Variants in GAL3ST2 observed in about 807,000 individuals in gnomAD.
The protein encoded by GAL3ST2 is galactose-3-O-sulfotransferase 2.
In GAL3ST2, 16 loss-of-function variants were observed where a neutral mutation model predicts 12.9. That is an observed-to-expected ratio of 1.24 (90% CI 0.84 to 1.88). The LOEUF (loss-of-function observed/expected upper bound fraction) is 1.88, where lower values mean the gene tolerates loss of function less well. Ranked by LOEUF, GAL3ST2 falls within the 40% of genes most tolerant of loss-of-function variation. The pLI is 0.00. For synonymous variants in GAL3ST2, 302 were observed against 273.9 expected (o/e 1.10, Z -1.01); for missense variants, 639 against 571.8 (o/e 1.12, Z -1.20).
intron 1 of GAL3ST2, among the ~76,000 whole-genome samples, chr2:241,782,678 T>C (rs1380272851): frequency 6.6e-6 from 1 of 152,180 alleles, no homozygotes; most frequent in East Asian, 1.9e-4. Flanking sequence ...TAATGCAGTT[T>C]ATTTTGATTG....
rs1553615224 is a variant in GAL3ST2, at chr2:241,776,891, GA to G, written c.-64del. 11 of 1,371,756 alleles carry G rather than the reference GA, an allele frequency of 8.0e-6. No individual in the cohort carries two copies. The highest frequency in any genetic ancestry group is 1.1e-5 in the Non-Finnish European group (11 of 1,043,086). 85.0% of individuals were successfully genotyped at this position (1,371,756 alleles called of 1,614,324 possible). ...GGGGAGCCCAGAGCCGGCAGGGGCC[GA>G]GGCGGTGGGACCTCGGGGGAGCTCA... is the stretch of plus-strand genomic sequence containing the variant. On this transcript the variant is annotated 5_prime_UTR_variant, in exon 1 of 4. Transcript: ENST00000192314.
At position 241,804,059 on chromosome 2, in the gene GAL3ST2, G is replaced by T; in HGVS notation, c.1090G>T (p.Gly364Cys). The T allele has an allele frequency of 6.4e-7, 1 of 1,556,484 alleles. No homozygotes were observed. Among genetic ancestry groups the T allele is most frequent in the Non-Finnish European group, 8.7e-7 (1 of 1,152,162 alleles). ...GCCGGGCCTGGACAACCAGACGCTGGGCGTGTGCCAGAGGCTTGTGATGCC... is the reference window on the plus strand; with the variant it reads ...GCCGGGCCTGGACAACCAGACGCTGTGCGTGTGCCAGAGGCTTGTGATGCC... The part of the protein sequence containing the change: ...LRPGLDNQTL[G>C]VCQRLVMPEL... The change falls in exon 4 of 4, where the codon GGC becomes TGC. Residue 364 changes from glycine (G) to cysteine (C), a missense_variant. Gly to Cys is a radical substitution (Grantham distance 159). Coordinates refer to ENST00000192314, the MANE Select transcript of GAL3ST2 (RefSeq NM_022134.3).
chr2:241,780,623 G>C (rs1382463525), intron 1 of GAL3ST2, among the ~76,000 whole-genome samples: 2 of 152,128 alleles, frequency 1.3e-5, no homozygotes, highest in African/African-American at 2.4e-5. Context: ...TATTATGCTT[G>C]GCCTAATTAT....
At chr2:241,783,370 A>C (rs548118549) in intron 1 of GAL3ST2, among the ~76,000 whole-genome samples, 15 of 152,314 alleles carry the variant, frequency 9.8e-5, no homozygotes, top group African/African-American at 3.6e-4. Context: ...TCTAGGACTA[A>C]ATTTACCATA....
At chr2:241,798,979 A>G in intron 1 of GAL3ST2, 86 bp from the exon 2 acceptor site, 1 of 1,079,326 alleles carries the variant, frequency 9.3e-7, no homozygotes, top group Non-Finnish European at 1.4e-6. Context: ...TGTGTGGCCC[A>G]AGGCCTGGAC....
chr2:241,796,673 G>A (rs1188384306), intron 1 of GAL3ST2, among the ~76,000 whole-genome samples: 2 of 152,150 alleles, frequency 1.3e-5, no homozygotes, highest in Non-Finnish European at 2.9e-5. Flanking sequence ...GCCGGCTCTG[G>A]TCTTGTCTGA....
At chr2:241,789,326 T>C (rs1297629642) in intron 1 of GAL3ST2, among the ~76,000 whole-genome samples, 1 of 152,204 alleles carries the variant, frequency 6.6e-6, no homozygotes, top group African/African-American at 2.4e-5. Flanking sequence ...TGTGTGTGTA[T>C]AGTTGAAGGC....
At position 241,804,257 on chromosome 2, in the gene GAL3ST2, G is replaced by A. The variant is rs1308179381; in HGVS notation, c.*91G>A. ...GCCGGGGATCCTTGCAGGGCTTCTG[G>A]GGCGTTGGGAAACCCAGGCCCGCCG... On this transcript the variant is annotated 3_prime_UTR_variant, in exon 4 of 4. Transcript: ENST00000192314. The A allele has an allele frequency of 4.2e-6, 5 of 1,176,814 alleles. No individual in the cohort carries two copies. In the African/African-American group the frequency reaches 6.5e-5, roughly 15 times the overall value. 72.9% of individuals were successfully genotyped at this position (1,176,814 alleles called of 1,614,324 possible). A position where few individuals can be genotyped will look rare whatever the true frequency, so the allele number is the denominator to read the frequency against.
rs1699881337 is a variant in GAL3ST2, at chr2:241,803,354, G to T, written c.385G>T (p.Val129Phe). Residue 129 changes from valine (V) to phenylalanine (F), a missense_variant, in exon 4 of 4, where the codon GTC becomes TTC. Physicochemically the swap from Val to Phe is conservative, Grantham distance 50 (BLOSUM62 -1). Transcript: ENST00000192314. ...CTCTGTCGCCACACAGGTGCAGAAA[G>T]TCATGCCCAACGACACCTTCTACTT... is the stretch of plus-strand genomic sequence containing the variant. ...LRFNLPQVQKVMPNDTFYFSI... is the reference protein window; with the variant it reads ...LRFNLPQVQKFMPNDTFYFSI... 1 of 1,599,284 alleles carries T rather than the reference G, an allele frequency of 6.3e-7. No individual in the cohort carries two copies. Among genetic ancestry groups the T allele is most frequent in the Non-Finnish European group, 8.5e-7 (1 of 1,169,908 alleles).
chr2:241,795,379 G>T lies in GAL3ST2; in HGVS notation c.30-3686G>T, dbSNP rs181502704. Among the ~76,000 whole-genome samples the T allele has an allele frequency of 6.6e-6, 1 of 152,334 alleles. No homozygotes were observed. The highest frequency in any genetic ancestry group is 6.5e-5 in the Admixed American group (1 of 15,298). On this transcript the variant is annotated intron_variant, in intron 1 of 3. Transcript: ENST00000192314. This position sits in a 1 kb window ranked among gnomAD's most constrained non-coding sequence, Gnocchi z 4.5. ...GATTCATGCTGCCGCAAGGCCAAGG[G>T]GGGTATTGTAAGTGTGAAAGCAGCA...
In GAL3ST2 at chr2:241,803,774, C is replaced by A; in HGVS notation, c.805C>A (p.Arg269=). 1 of 1,506,250 alleles carries A rather than the reference C, an allele frequency of 6.6e-7. No homozygotes were observed. The highest frequency in any genetic ancestry group is 1.3e-5 in the South Asian group (1 of 79,426). The allele number at this position is 1,506,250 out of a possible 1,614,324, so 93.3% of individuals were successfully genotyped here. Reference sequence around the variant, plus strand: ...CGTGGCCCGCCTGTCGCCCGAGACCCGGGAGCGCGCGCGGAGCTGGTGCGC... The same window carrying A: ...CGTGGCCCGCCTGTCGCCCGAGACCAGGGAGCGCGCGCGGAGCTGGTGCGC... ...RSVARLSPET[R]ERARSWCALD... Residue 269 remains arginine (R), a synonymous_variant, in exon 4 of 4, where the codon CGG becomes AGG. Coordinates refer to ENST00000192314, the MANE Select transcript of GAL3ST2 (RefSeq NM_022134.3).
At chr2:241,786,170 T>TGTGTGTG (rs57805373) in intron 1 of GAL3ST2, among the ~76,000 whole-genome samples, 1 of 148,462 alleles carries the variant, frequency 6.7e-6, no homozygotes, top group Non-Finnish European at 1.5e-5. Context: ...TGTGTGTGTG[T>TGTGTGTG]TGGGGGGGAT....
rs1017825443 is a variant in GAL3ST2 at position 241,787,207 on chromosome 2, T to TA, written c.29+10231dup. The stretch of plus-strand genomic sequence containing the variant: ...CTCATGTCGCCCTACAATGTATACA[T>TA]AAAAAAAAGCTAAGCTGTGCTCTGA... On this transcript the variant is annotated intron_variant, in intron 1 of 3. Transcript: ENST00000192314. Among the ~76,000 whole-genome samples, 5 of 151,940 alleles carry TA rather than the reference T, an allele frequency of 3.3e-5. No individual in the cohort carries two copies. In the East Asian group the frequency reaches 5.8e-4, roughly 18 times the overall value.
In GAL3ST2 at chr2:241,802,225, G is replaced by T. The variant is rs1349374105; in HGVS notation, c.375+189G>T. On this transcript the variant is annotated intron_variant, in intron 3 of 3. Coordinates refer to ENST00000192314, the MANE Select transcript of GAL3ST2 (RefSeq NM_022134.3). The surrounding 1 kb of genome is among the most constrained non-coding windows in gnomAD (Gnocchi z 4.8). ...CCCCTGCCCCTCCAGGCGGCCAGTC[G>T]CCTGCCGTTGCTCTTGGAATGAGAC... Among the ~76,000 whole-genome samples, 11 of 152,162 alleles carry T rather than the reference G, an allele frequency of 7.2e-5. No individual in the cohort carries two copies. Among genetic ancestry groups the T allele is most frequent in the Non-Finnish European group, 1.3e-4 (9 of 68,022 alleles).
At chr2:241,777,696 A>C (rs911762683) in intron 1 of GAL3ST2, among the ~76,000 whole-genome samples, 5 of 152,148 alleles carry the variant, frequency 3.3e-5, no homozygotes, top group African/African-American at 4.8e-5. Flanking sequence ...AGCTGCCAGG[A>C]CACTGGCTGA....
chr2:241,798,307 C>T (rs1000026073), intron 1 of GAL3ST2, among the ~76,000 whole-genome samples: 8 of 152,224 alleles, frequency 5.3e-5, no homozygotes, highest in Non-Finnish European at 4.4e-5. Flanking sequence ...CAACAGACAC[C>T]ACAGACAGGC....
At chr2:241,781,347 G>C (rs1226504037) in intron 1 of GAL3ST2, among the ~76,000 whole-genome samples, 1 of 152,080 alleles carries the variant, frequency 6.6e-6, no homozygotes, top group African/African-American at 2.4e-5. Flanking sequence ...AGCTCTCCAT[G>C]AGAGTCCTGA....
intron 1 of GAL3ST2, among the ~76,000 whole-genome samples, chr2:241,786,139 T>TTGTGTGTA (rs149915112): frequency 8.2e-5 from 12 of 145,954 alleles, no homozygotes; most frequent in African/African-American, 3.1e-4. Context: ...CACACACCTT[T>TTGTGTGTA]TGTGTGTGTG....
chr2:241,781,116 A>C (rs928945170), intron 1 of GAL3ST2, among the ~76,000 whole-genome samples: 7 of 152,246 alleles, frequency 4.6e-5, no homozygotes, highest in African/African-American at 1.7e-4. Context: ...ATTCTGGATA[A>C]ATCAGGTAGA....
Sources: allele counts gnomAD v4.1 joint callset (sites outside exome capture counted in the v4.1 genomes callset), GRCh38; gene constraint gnomAD v4.1.1; non-coding constraint Gnocchi (gnomAD v3.1); transcripts MANE v1.5; gene names NCBI Gene and HGNC (gene_info 2026-07-23, HGNC 2026-07-21).